Variants in USP9Y observed in about 807,000 individuals in gnomAD.
USP9Y encodes the protein ubiquitin specific peptidase 9 Y-linked, also known as ubiquitin carboxyl-terminal hydrolase 9Y.
In USP9Y, 41 loss-of-function variants were observed where a neutral mutation model predicts 53.1. The ratio of observed to expected loss-of-function variants is 0.77; its 90% CI spans 0.60 to 1.00. The LOEUF (loss-of-function observed/expected upper bound fraction) is 1.00, where lower values mean the gene tolerates loss of function less well. USP9Y is among the 50% of genes least tolerant of loss of function. USP9Y has a pLI of 0.00. For synonymous variants in USP9Y, 220 were observed against 173.7 expected (o/e 1.27, Z -2.09); for missense variants, 567 against 535.8 (o/e 1.06, Z -0.58).
At chrY:12,846,013 T>C (rs534103799) in intron 39 of USP9Y, among the ~76,000 whole-genome samples, 2 of 33,466 alleles carry the variant, frequency 6.0e-5, no homozygotes, top group South Asian at 6.7e-4. Flanking sequence ...TACTTTCTTA[T>C]GATGAAAGTT....
intron 37 of USP9Y, 113 bp downstream of exon 37, chrY:12,841,246 A>G: frequency 8.7e-6 from 2 of 230,798 alleles, no homozygotes; most frequent in Non-Finnish European, 1.3e-5. Flanking sequence ...TAAAATATAG[A>G]ATAAAAATCT....
intron 12 of USP9Y, among the ~76,000 whole-genome samples, chrY:12,741,486 T>C: frequency 1.5e-4 from 5 of 33,528 alleles, no homozygotes; most frequent in Non-Finnish European, 3.7e-4. Flanking sequence ...CTCTAGGTGA[T>C]AAAGATTTGA....
intron 32 of USP9Y, among the ~76,000 whole-genome samples, chrY:12,817,490 A>G (rs2053537495): frequency 3.0e-5 from 1 of 33,671 alleles, no homozygotes; most frequent in South Asian, 6.5e-4. Context: ...GATCTAATAA[A>G]TCACACCATC....
intron 33 of USP9Y, among the ~76,000 whole-genome samples, chrY:12,822,964 C>T (rs2053543353): frequency 3.0e-5 from 1 of 32,898 alleles, no homozygotes; most frequent in African/African-American, 1.2e-4. Context: ...CTCCCGGGTT[C>T]AAGCAATTTT....
At chrY:12,833,242 GA>G (rs2053551880) in intron 33 of USP9Y, among the ~76,000 whole-genome samples, 2 of 33,047 alleles carry the variant, frequency 6.1e-5, no homozygotes, top group African/African-American at 2.4e-4. Flanking sequence ...CTAGAACGGG[GA>G]AACCTTTCAC....
At chrY:12,822,927 G>A in intron 33 of USP9Y, among the ~76,000 whole-genome samples, 1 of 32,961 alleles carries the variant, frequency 3.0e-5, no homozygotes, top group Non-Finnish European at 7.4e-5. Flanking sequence ...GTGCAGTAAC[G>A]TGATCTCAGT....
intron 35 of USP9Y, among the ~76,000 whole-genome samples, 164 bp from the exon 36 acceptor site, chrY:12,839,700 T>A (rs2053558485): frequency 3.0e-5 from 1 of 33,208 alleles, no homozygotes; most frequent in African/African-American, 1.2e-4. Context: ...AAGGATTCTT[T>A]AAGTCAGTTA....
At chrY:12,740,475 A>T in intron 12 of USP9Y, among the ~76,000 whole-genome samples, 1 of 33,635 alleles carries the variant, frequency 3.0e-5, no homozygotes, top group East Asian at 7.7e-4. Context: ...AGTTTGGCAC[A>T]TAGATGGATC....
chrY:12,773,977 T>G, intron 17 of USP9Y, 52 bp downstream of exon 17: 1 of 290,582 alleles, frequency 3.4e-6, no homozygotes, highest in Non-Finnish European at 5.1e-6. Context: ...TGAGGTTACT[T>G]TTTAAAAATA....
At chrY:12,849,806 G>A in intron 42 of USP9Y, among the ~76,000 whole-genome samples, 1 of 13,706 alleles carries the variant, frequency 7.3e-5, no homozygotes, top group African/African-American at 2.9e-4. Flanking sequence ...ACCTGATCAT[G>A]ATGGATAAGC....
chrY:12,759,697 CA>C (rs768565566), intron 14 of USP9Y, among the ~76,000 whole-genome samples: 2 of 23,241 alleles, frequency 8.6e-5, no homozygotes, highest in African/African-American at 1.7e-4. Context: ...AACTCTGTCT[CA>C]AAAAAAAAAA....
chrY:12,758,194 A>G, intron 13 of USP9Y, among the ~76,000 whole-genome samples: 1 of 33,672 alleles, frequency 3.0e-5, no homozygotes, highest in African/African-American at 1.2e-4. Context: ...TGCAGTAGCC[A>G]CCATTCAGAC....
In USP9Y at chrY:12,859,478, T is replaced by C; in HGVS notation, c.*62T>C. The stretch of plus-strand genomic sequence containing the variant: ...CTAAGGTCTTATAGTCCAAACTTTC[T>C]CTGTGTCTGGCTAGTATTGAAAACT... On this transcript the variant is annotated 3_prime_UTR_variant, in exon 46 of 46. Transcript: ENST00000338981. The C allele has an allele frequency of 2.7e-6, 1 of 368,913 alleles. No homozygotes were observed. Among genetic ancestry groups the C allele is most frequent in the Admixed American group, 7.7e-5 (1 of 13,012 alleles). 92.0% of individuals were successfully genotyped at this position (368,913 alleles called of 400,897 possible).
intron 12 of USP9Y, among the ~76,000 whole-genome samples, chrY:12,749,057 T>A: frequency 3.0e-5 from 1 of 33,633 alleles, no homozygotes; most frequent in Non-Finnish European, 7.3e-5. Flanking sequence ...AAAGTTTCCA[T>A]CTCCATTTTC....
chrY:12,748,076 A>G, intron 12 of USP9Y, among the ~76,000 whole-genome samples: 1 of 32,925 alleles, frequency 3.0e-5, no homozygotes, highest in South Asian at 6.8e-4. Context: ...AATGGCTTCA[A>G]CCCTGCAGGC....
intron 15 of USP9Y, 60 bp from the exon 16 acceptor site, chrY:12,771,008 C>T: frequency 8.5e-6 from 2 of 234,961 alleles, no homozygotes; most frequent in Non-Finnish European, 1.4e-5. Context: ...TTCTTTTTAC[C>T]TAAGTCAATA....
chrY:12,767,747 A>T, intron 15 of USP9Y, among the ~76,000 whole-genome samples: 1 of 32,810 alleles, frequency 3.0e-5, no homozygotes, highest in Admixed American at 2.8e-4. Flanking sequence ...TTCTTGTGAT[A>T]TCATGATTTT....
chrY:12,840,211 G>C lies in USP9Y; in HGVS notation c.5685G>C (p.Gln1895His). 2.5e-6 allele frequency: 1 copy of C among 398,567 alleles called. No individual in the cohort carries two copies. Among genetic ancestry groups the C allele is most frequent in the Non-Finnish European group, 3.5e-6 (1 of 283,495 alleles). The stretch of plus-strand genomic sequence containing the variant: ...TTCAAAGGAATGGTAAAGATGATCA[G>C]ACAGATCACTGGTATAAATTTGATG... ...YIIQRNGKDD[Q>H]TDHWYKFDDG... The change falls in exon 36 of 46, where the codon CAG becomes CAC. Residue 1895 changes from glutamine to histidine, a missense_variant. Coordinates refer to ENST00000338981, the MANE Select transcript of USP9Y (RefSeq NM_004654.4).
intron 31 of USP9Y, among the ~76,000 whole-genome samples, chrY:12,814,121 T>C: frequency 2.9e-5 from 1 of 34,170 alleles, no homozygotes; most frequent in African/African-American, 1.1e-4. Flanking sequence ...AGATTACATG[T>C]GTGAGTCACT....
Sources: allele counts gnomAD v4.1 joint callset (sites outside exome capture counted in the v4.1 genomes callset), GRCh38; gene constraint gnomAD v4.1.1; transcripts MANE v1.5; gene names NCBI Gene and HGNC (gene_info 2026-07-23, HGNC 2026-07-21).